Variants in ANKRD11 observed in about 807,000 individuals in gnomAD.
ANKRD11 encodes ankyrin repeat domain 11.
In ANKRD11, 17 loss-of-function variants were observed where a neutral mutation model predicts 195.7. The observed-to-expected ratio is 0.09, with a 90% CI of 0.06 to 0.13. The LOEUF is 0.13. Among genes scored for constraint, ANKRD11 ranks in the 10% least tolerant of loss-of-function variants. The pLI, the probability that ANKRD11 is intolerant of heterozygous loss-of-function variation, is 1.00. For missense variants in ANKRD11, 3,735 were observed against 3,566.1 expected (o/e 1.05, Z -1.21); for synonymous variants, 1,953 against 1,528.1 (o/e 1.28, Z -6.49).
At chr16:89,402,128 T>C in intron 2 of ANKRD11, among the ~76,000 whole-genome samples, 1 of 152,162 alleles carries the variant, frequency 6.6e-6, no homozygotes, top group East Asian at 1.9e-4. Flanking sequence ...ATCCTGACTT[T>C]TCCATAAGGC....
intron 1 of ANKRD11, 143 bp downstream of exon 1, chr16:89,490,102 C>A (rs1356513927): frequency 2.0e-5 from 3 of 146,976 alleles, no homozygotes; most frequent in African/African-American, 7.4e-5. Context: ...CAAAGACCCC[C>A]GCCCACCCGG....
rs2034374906 is a variant in ANKRD11, at chr16:89,282,854, G to T, written c.3688C>A (p.Gln1230Lys). The change falls in exon 9 of 13, where the codon CAA (glutamine) becomes AAA (lysine). Residue 1230 changes from glutamine to lysine, a missense_variant. Gln to Lys is a moderately conservative substitution (Grantham distance 53). Transcript: ENST00000301030. ...RKDRASVDSTQDKKNKQKLPE... is the reference protein window; with the variant it reads ...RKDRASVDSTKDKKNKQKLPE... Reference sequence around the variant, plus strand: ...AGCTTCTGTTTATTTTTCTTATCTTGCGTGGAGTCCACTGAGGCTCTGTCC... The same window carrying T: ...AGCTTCTGTTTATTTTTCTTATCTTTCGTGGAGTCCACTGAGGCTCTGTCC... The T allele has an allele frequency of 1.2e-6, 2 of 1,612,222 alleles. No individual in the cohort carries two copies. Among genetic ancestry groups the T allele is most frequent in the Admixed American group, 1.7e-5 (1 of 60,016 alleles).
At chr16:89,402,732 T>G in intron 2 of ANKRD11, among the ~76,000 whole-genome samples, 1 of 93,934 alleles carries the variant, frequency 1.1e-5, no homozygotes, top group Non-Finnish European at 2.1e-5. Flanking sequence ...AGGGGCTCTG[T>G]GGGGTGAGAT....
intron 9 of ANKRD11, chr16:89,278,486 A>T: frequency 4.4e-6 from 2 of 455,216 alleles, no homozygotes; most frequent in Middle Eastern, 3.9e-4. Flanking sequence ...GTTTCACCTG[A>T]GCCTGCAGAG....
chr16:89,289,972 G>A (rs1027769347), intron 6 of ANKRD11, among the ~76,000 whole-genome samples: 1 of 152,244 alleles, frequency 6.6e-6, no homozygotes, highest in Non-Finnish European at 1.5e-5. Context: ...CAAAGCTTCA[G>A]TGAGTCGTGA....
intron 2 of ANKRD11, among the ~76,000 whole-genome samples, chr16:89,370,972 C>T (rs906193583): frequency 6.6e-6 from 1 of 152,136 alleles, no homozygotes; most frequent in African/African-American, 2.4e-5. Context: ...CGAGACAACC[C>T]TAGGGCTCCG....
intron 4 of ANKRD11, chr16:89,300,272 C>T: frequency 4.4e-6 from 1 of 227,502 alleles, no homozygotes; most frequent in Non-Finnish European, 8.9e-6. Flanking sequence ...CTGCTACACG[C>T]TTGGTGAGAA....
At chr16:89,424,060 G>A (rs190787910) in intron 1 of ANKRD11, among the ~76,000 whole-genome samples, 15 of 152,174 alleles carry the variant, frequency 9.9e-5, no homozygotes, top group African/African-American at 3.4e-4. Context: ...AGGAACTGGG[G>A]GAGGGACTTG....
intron 2 of ANKRD11, among the ~76,000 whole-genome samples, chr16:89,391,082 GC>G (rs1440407975): frequency 6.6e-6 from 1 of 152,126 alleles, no homozygotes; most frequent in Non-Finnish European, 1.5e-5. Context: ...CAAAAAATTA[GC>G]CGGGCGCGGT....
Position 89,284,129 on chromosome 16 carries a change from CTTTTTT to C in ANKRD11, c.2407_2412del (p.Lys803_Lys804del), listed in dbSNP as rs1567577735. On this transcript the variant is annotated inframe_deletion, in exon 9 of 13. Transcript: ENST00000301030. Reference sequence around the variant, plus strand: ...GCAGAATCTTCCCTATAAACCTTTTCTTTTTTGAGTTTTTCTTTATCTTCTTTAAAA... The same window carrying C: ...GCAGAATCTTCCCTATAAACCTTTTCGAGTTTTTCTTTATCTTCTTTAAAA... 1.9e-6 allele frequency: 3 copies of C among 1,608,664 alleles called. No homozygotes were observed. The highest frequency in any genetic ancestry group is 1.7e-4 in the Middle Eastern group (1 of 5,928).
chr16:89,392,698 T>C (rs1415855838), intron 2 of ANKRD11: 3 of 148,894 alleles, frequency 2.0e-5, no homozygotes, highest in Non-Finnish European at 4.4e-5. Context: ...GCAGACCCAA[T>C]CAACATGGTT....
intron 2 of ANKRD11, among the ~76,000 whole-genome samples, chr16:89,376,570 T>A (rs1340626619): frequency 6.6e-6 from 1 of 152,196 alleles, no homozygotes; most frequent in Non-Finnish European, 1.5e-5. Flanking sequence ...CCCAAGTAGC[T>A]GGGACCACAG....
At chr16:89,478,218 C>A (rs1180345707) in intron 1 of ANKRD11, among the ~76,000 whole-genome samples, 1 of 152,154 alleles carries the variant, frequency 6.6e-6, no homozygotes, top group Non-Finnish European at 1.5e-5. Context: ...CTGGGGCCAG[C>A]AGAGAAACAC....
intron 1 of ANKRD11, among the ~76,000 whole-genome samples, chr16:89,462,999 T>TGGAGGTG (rs1555594351): frequency 2.5e-5 from 3 of 121,488 alleles, no homozygotes; most frequent in African/African-American, 9.7e-5. Context: ...GGGAGGGAGG[T>TGGAGGTG]GGGGGGGTCA....
intron 1 of ANKRD11, among the ~76,000 whole-genome samples, chr16:89,470,794 C>G (rs764747209): frequency 6.6e-6 from 1 of 151,624 alleles, no homozygotes; most frequent in Non-Finnish European, 1.5e-5. Flanking sequence ...TCAAGACTAT[C>G]CTGGCTAACA....
intron 4 of ANKRD11, among the ~76,000 whole-genome samples, chr16:89,304,091 T>C (rs1482872444): frequency 6.6e-6 from 1 of 152,184 alleles, no homozygotes; most frequent in Admixed American, 6.5e-5. Flanking sequence ...AGAAGCTGGA[T>C]GACCAGGAGG....
Position 89,283,209 on chromosome 16 carries a change from T to C in ANKRD11, c.3333A>G (p.Lys1111=). The change falls in exon 9 of 13, where the codon AAA becomes AAG. Residue 1111 remains lysine, a synonymous_variant. Coordinates refer to ENST00000301030, the MANE Select transcript of ANKRD11 (RefSeq NM_013275.6). The surrounding 1 kb of genome is among the most constrained non-coding windows in gnomAD (Gnocchi z 4.3). ...EKKDDKKGKE[K]SWYIADIFTD... ...TGAAGATGTCTGCGATGTACCAGCTTTTCTCTTTGCCTTTCTTGTCATCTT... is the reference window on the plus strand; with the variant it reads ...TGAAGATGTCTGCGATGTACCAGCTCTTCTCTTTGCCTTTCTTGTCATCTT... 6.2e-7 allele frequency: 1 copy of C among 1,614,182 alleles called. No individual in the cohort carries two copies. Among genetic ancestry groups the C allele is most frequent in the Non-Finnish European group, 8.5e-7 (1 of 1,180,046 alleles).
chr16:89,375,531 C>T (rs969153616), intron 2 of ANKRD11, among the ~76,000 whole-genome samples: 6 of 151,860 alleles, frequency 4.0e-5, no homozygotes, highest in African/African-American at 9.7e-5. Flanking sequence ...ACGATCTTGG[C>T]TCGCTGCAAC....
intron 4 of ANKRD11, among the ~76,000 whole-genome samples, chr16:89,302,799 C>G (rs750931591): frequency 6.6e-6 from 1 of 152,198 alleles, no homozygotes; most frequent in Non-Finnish European, 1.5e-5. Context: ...GTTTTCCCAC[C>G]TCACAGGGAT....
Sources: allele counts gnomAD v4.1 joint callset (sites outside exome capture counted in the v4.1 genomes callset), GRCh38; gene constraint gnomAD v4.1.1; non-coding constraint Gnocchi (gnomAD v3.1); transcripts MANE v1.5; gene names NCBI Gene and HGNC (gene_info 2026-07-23, HGNC 2026-07-21).